KHDRBS2: variants seen among roughly 807,000 people sequenced by gnomAD.
KHDRBS2 encodes the protein KH domain-containing, RNA-binding, signal transduction-associated protein 2.
In KHDRBS2, 26 loss-of-function variants were observed where a neutral mutation model predicts 44.3. The ratio of observed to expected loss-of-function variants is 0.59; its 90% confidence interval spans 0.43 to 0.81. The LOEUF (loss-of-function observed/expected upper bound fraction) is 0.81. Ranked by LOEUF, KHDRBS2 falls within the 40% of genes least tolerant of loss-of-function variation. The pLI is 0.00. For missense variants in KHDRBS2, 476 were observed against 433.1 expected (o/e 1.10, Z -0.88); for synonymous variants, 194 against 151.1 (o/e 1.28, Z -2.08).
the KHDRBS2 span, among the ~76,000 whole-genome samples, chr6:61,582,125 A>C: frequency 6.6e-6 from 1 of 151,836 alleles, no homozygotes; most frequent in Admixed American, 6.6e-5. Context: ...AAAAGTTTTT[A>C]TATTAAAAGT....
At chr6:61,806,766 T>A (rs370539395) in intron 6 of KHDRBS2, among the ~76,000 whole-genome samples, 7 of 152,224 alleles carry the variant, frequency 4.6e-5, no homozygotes, top group Admixed American at 1.3e-4. Context: ...CTAATTTCTA[T>A]AGATACTGGC....
At chr6:61,666,358 T>C in the KHDRBS2 span, among the ~76,000 whole-genome samples, 1 of 151,492 alleles carries the variant, frequency 6.6e-6, no homozygotes, top group Non-Finnish European at 1.5e-5. Flanking sequence ...GTGGACATTG[T>C]AGACATACTT....
At chr6:61,794,597 T>G (rs1230064665) in intron 6 of KHDRBS2, among the ~76,000 whole-genome samples, 5 of 152,082 alleles carry the variant, frequency 3.3e-5, no homozygotes, top group Admixed American at 2.6e-4. Flanking sequence ...TATTTGAAAT[T>G]TCATCAAATG....
At chr6:61,805,825 C>T (rs146769375) in intron 6 of KHDRBS2, among the ~76,000 whole-genome samples, 9 of 152,242 alleles carry the variant, frequency 5.9e-5, no homozygotes, top group East Asian at 1.9e-4. Flanking sequence ...GCCCAAAATG[C>T]GGGGATTACA....
chr6:62,059,715 G>A (rs1271704068), intron 2 of KHDRBS2, among the ~76,000 whole-genome samples: 1 of 151,666 alleles, frequency 6.6e-6, no homozygotes, highest in Non-Finnish European at 1.5e-5. Flanking sequence ...ATAAATCTAA[G>A]ATGAAAATAT....
At chr6:62,271,464 T>C (rs1840080007) in intron 1 of KHDRBS2, among the ~76,000 whole-genome samples, 1 of 152,208 alleles carries the variant, frequency 6.6e-6, no homozygotes, top group South Asian at 2.1e-4. Context: ...TACAATACTT[T>C]TTACTGTTAT....
intron 4 of KHDRBS2, among the ~76,000 whole-genome samples, chr6:61,937,673 T>C (rs769991867): frequency 1.7e-4 from 26 of 152,140 alleles, no homozygotes; most frequent in Non-Finnish European, 3.4e-4. Context: ...GCCAGCAGGC[T>C]GAAGTTTTTC....
At chr6:61,678,781 A>C (rs1766083276), downstream of KHDRBS2, 4 of 151,954 alleles carry the variant, frequency 2.6e-5, no homozygotes, top group Admixed American at 2.0e-4. Flanking sequence ...TCAGTAGTTC[A>C]ACAAGTGGCA....
chr6:61,972,365 TAGATGATTAC>T (rs1363025950), intron 4 of KHDRBS2, among the ~76,000 whole-genome samples: 2 of 152,172 alleles, frequency 1.3e-5, no homozygotes, highest in African/African-American at 2.4e-5. Context: ...AAATACTCCA[TAGATGATTAC>T]AGATGTCTTC....
chr6:62,206,967 C>T (rs1264488064), intron 1 of KHDRBS2, among the ~76,000 whole-genome samples: 2 of 152,086 alleles, frequency 1.3e-5, no homozygotes, highest in African/African-American at 4.8e-5. Flanking sequence ...TTCAAACTTA[C>T]ATGTACAGGT....
At chr6:62,027,478 C>T (rs184723001) in intron 3 of KHDRBS2, among the ~76,000 whole-genome samples, 3 of 152,134 alleles carry the variant, frequency 2.0e-5, no homozygotes, top group Non-Finnish European at 4.4e-5. Flanking sequence ...ATTCATAACA[C>T]ATCCCATCTC....
chr6:62,259,048 T>C (rs1015123500), intron 1 of KHDRBS2, among the ~76,000 whole-genome samples: 9 of 152,060 alleles, frequency 5.9e-5, no homozygotes, highest in Non-Finnish European at 1.3e-4. Flanking sequence ...TCTTGTGCTC[T>C]AATAGATAAG....
intron 2 of KHDRBS2, among the ~76,000 whole-genome samples, chr6:62,065,164 A>G (rs2127335040): frequency 6.6e-6 from 1 of 151,872 alleles, no homozygotes; most frequent in African/African-American, 2.4e-5. Context: ...GAGAAATAGG[A>G]ACACTTTTAC....
the KHDRBS2 span, among the ~76,000 whole-genome samples, chr6:61,627,554 A>C: frequency 2.0e-5 from 3 of 152,180 alleles, no homozygotes; most frequent in Non-Finnish European, 4.4e-5. Flanking sequence ...TAGAAGAAGA[A>C]GGAGGCTGAA....
chr6:61,554,451 C>T, the KHDRBS2 span, among the ~76,000 whole-genome samples: 2 of 149,942 alleles, frequency 1.3e-5, no homozygotes, highest in African/African-American at 4.9e-5. Flanking sequence ...AGTCTTGCTC[C>T]TTTATCTAAC....
chr6:62,013,223 A>C (rs1456970355), intron 3 of KHDRBS2, among the ~76,000 whole-genome samples: 1 of 152,210 alleles, frequency 6.6e-6, no homozygotes, highest in Non-Finnish European at 1.5e-5. Flanking sequence ...TCTAGATAGC[A>C]GTATGGAAAG....
rs9360257 is a variant in KHDRBS2 at position 62,027,326 on chromosome 6, G to T, written c.336+20552C>A. 3.8e-3 allele frequency among the ~76,000 whole-genome samples: 576 copies of T among 152,138 alleles called. 25 individuals carry two copies. The East Asian group carries it at 0.096, about 25-fold the overall frequency. ...AATTAAGTAATCAGGAAAATATAAA[G>T]ACAAATATGTAGGACTGTGATATAG... On this transcript the variant is annotated intron_variant, in intron 3 of 8. Coordinates refer to ENST00000281156, the MANE Select transcript of KHDRBS2 (RefSeq NM_152688.4).
At chr6:61,906,544 C>G (rs1413865040) in intron 4 of KHDRBS2, among the ~76,000 whole-genome samples, 4 of 152,114 alleles carry the variant, frequency 2.6e-5, no homozygotes, top group East Asian at 1.9e-4. Flanking sequence ...ACTTCCCCCC[C>G]TCCTTCCCAC....
intron 6 of KHDRBS2, among the ~76,000 whole-genome samples, chr6:61,857,132 G>A (rs1428140357): frequency 6.6e-6 from 1 of 151,976 alleles, no homozygotes; most frequent in Non-Finnish European, 1.5e-5. Flanking sequence ...TAAGTAACTA[G>A]CCTTCACGGA....
Sources: allele counts gnomAD v4.1 joint callset (sites outside exome capture counted in the v4.1 genomes callset), GRCh38; gene constraint gnomAD v4.1.1; transcripts MANE v1.5; gene names NCBI Gene and HGNC (gene_info 2026-07-23, HGNC 2026-07-21).